The following COMMD1 variants were observed in gnomAD, a reference collection of about 807,000 sequenced individuals.
COMMD1 encodes the protein copper metabolism domain containing 1, also known as COMM domain-containing protein 1.
In COMMD1, 10 loss-of-function variants were observed where a neutral mutation model predicts 17.2. That is an observed-to-expected ratio of 0.58 (90% CI 0.36 to 0.99). COMMD1 has a LOEUF of 0.99. Among genes scored for constraint, COMMD1 ranks in the 50% least tolerant of loss-of-function variants. COMMD1 has a pLI of 0.01. For synonymous variants in COMMD1, 97 were observed against 91.6 expected (o/e 1.06, Z -0.34); for missense variants, 270 against 231.8 (o/e 1.17, Z -1.07).
chr2:62,083,188 A>G (rs1256265936), intron 2 of COMMD1, among the ~76,000 whole-genome samples: 2 of 152,018 alleles, frequency 1.3e-5, no homozygotes, highest in Non-Finnish European at 2.9e-5. Context: ...GCTTGAGCCT[A>G]GGAGGTTGAG....
intron 2 of COMMD1, among the ~76,000 whole-genome samples, chr2:62,034,785 A>G (rs890153242): frequency 2.0e-5 from 3 of 152,116 alleles, no homozygotes; most frequent in Non-Finnish European, 2.9e-5. Context: ...ATTTCTAAGG[A>G]GAAACAGTTT....
At chr2:61,978,086 A>G (rs560709888) in intron 1 of COMMD1, among the ~76,000 whole-genome samples, 1 of 152,018 alleles carries the variant, frequency 6.6e-6, no homozygotes, top group East Asian at 1.9e-4. Context: ...ACTTGAGGCC[A>G]GGAGTTTGAG....
chr2:61,953,638 A>G (rs776902677), intron 1 of COMMD1, among the ~76,000 whole-genome samples: 20 of 151,704 alleles, frequency 1.3e-4, no homozygotes, highest in Non-Finnish European at 2.4e-4. Context: ...CCAAAGTGCT[A>G]GGATTACAGG....
chr2:62,098,597 G>A (rs1398665487), intron 2 of COMMD1, among the ~76,000 whole-genome samples: 1 of 152,146 alleles, frequency 6.6e-6, no homozygotes, highest in Non-Finnish European at 1.5e-5. Flanking sequence ...TTCCCCAAGG[G>A]TATTCCTGAA....
chr2:61,912,551 A>G lies in COMMD1; in HGVS notation c.180+6693A>G, dbSNP rs1333637084. Among the ~76,000 whole-genome samples the G allele has an allele frequency of 2.6e-5, 4 of 152,312 alleles. No homozygotes were observed. The Middle Eastern group carries it at 0.01, about 389-fold the overall frequency. On this transcript the variant is annotated intron_variant, in intron 1 of 2. Coordinates refer to ENST00000311832, the MANE Select transcript of COMMD1 (RefSeq NM_152516.4). ...AGAGATGGAGACCATCCTAGCCAAC[A>G]TGGTGAAATTCCATCTCTACTAAAA...
chr2:62,047,472 C>CTT (rs113295193), intron 2 of COMMD1, among the ~76,000 whole-genome samples: 1,639 of 147,236 alleles, frequency 0.011, 40 homozygotes, highest in African/African-American at 0.037. Context: ...TTCTTCCTTT[C>CTT]TTTTTTTTTT....
chr2:62,021,542 A>G (rs1346196238), intron 2 of COMMD1, among the ~76,000 whole-genome samples: 1 of 152,220 alleles, frequency 6.6e-6, no homozygotes, highest in Non-Finnish European at 1.5e-5. Flanking sequence ...ACAGGATCAG[A>G]GAAGTATTGA....
intron 2 of COMMD1, among the ~76,000 whole-genome samples, chr2:62,041,954 G>A (rs1403296800): frequency 6.6e-6 from 1 of 152,224 alleles, no homozygotes; most frequent in Non-Finnish European, 1.5e-5. Flanking sequence ...CCACACTGTG[G>A]AAGAGGACCT....
At chr2:62,088,543 A>G (rs1671737590) in intron 2 of COMMD1, among the ~76,000 whole-genome samples, 1 of 152,176 alleles carries the variant, frequency 6.6e-6, no homozygotes, top group Non-Finnish European at 1.5e-5. Context: ...TCTACAGTCC[A>G]TTTGATTACC....
chr2:61,957,629 C>G (rs1242645597), intron 1 of COMMD1, among the ~76,000 whole-genome samples: 1 of 152,056 alleles, frequency 6.6e-6, no homozygotes, highest in African/African-American at 2.4e-5. Context: ...AAATCTTTGT[C>G]TTAAAGACAA....
At chr2:61,966,831 A>C (rs1422105899) in intron 1 of COMMD1, among the ~76,000 whole-genome samples, 1 of 152,024 alleles carries the variant, frequency 6.6e-6, no homozygotes, top group African/African-American at 2.4e-5. Flanking sequence ...AAGTCTGTGT[A>C]ATTAGTCCTG....
chr2:61,973,223 A>G (rs1671699760), intron 1 of COMMD1, among the ~76,000 whole-genome samples: 1 of 152,170 alleles, frequency 6.6e-6, no homozygotes, highest in Non-Finnish European at 1.5e-5. Flanking sequence ...CCATTTTTGT[A>G]CAGGAACTCC....
rs552409521 is a variant in COMMD1 at position 62,102,292 on chromosome 2, G to A, written c.463-33539G>A. ...TATAAACACCCTCTGTACTATTTTT[G>A]TACTTTTGATATTCCCTCTGCTTCA... On this transcript the variant is annotated intron_variant, in intron 2 of 2. Coordinates refer to ENST00000311832, the MANE Select transcript of COMMD1 (RefSeq NM_152516.4). 2.6e-5 allele frequency among the ~76,000 whole-genome samples: 4 copies of A among 152,130 alleles called. No homozygotes were observed. The East Asian group carries it at 7.7e-4, about 29-fold the overall frequency.
At chr2:61,944,143 G>A (rs2103645980) in intron 1 of COMMD1, among the ~76,000 whole-genome samples, 1 of 152,256 alleles carries the variant, frequency 6.6e-6, no homozygotes, top group South Asian at 2.1e-4. Context: ...GAAAGGCAAT[G>A]AGAAGACTCT....
chr2:62,108,823 G>A (rs1011532377), intron 2 of COMMD1, among the ~76,000 whole-genome samples: 6 of 152,172 alleles, frequency 3.9e-5, no homozygotes, highest in African/African-American at 1.4e-4. Context: ...TAAGCATTGT[G>A]CAAATAAAAT....
intron 1 of COMMD1, 24 bp downstream of exon 1, chr2:61,905,882 C>A: frequency 6.2e-7 from 1 of 1,612,864 alleles, no homozygotes; most frequent in Non-Finnish European, 8.5e-7. Flanking sequence ...CTGTAGTCTC[C>A]GGCTTGGAGC....
intron 1 of COMMD1, among the ~76,000 whole-genome samples, chr2:61,896,754 T>A (rs1669555546): frequency 6.6e-6 from 1 of 152,118 alleles, no homozygotes; most frequent in Admixed American, 6.6e-5. Flanking sequence ...CTGACTTGAC[T>A]TTTTCTTCCT....
chr2:62,043,485 T>A (rs1670295878), intron 2 of COMMD1, among the ~76,000 whole-genome samples: 2 of 152,140 alleles, frequency 1.3e-5, no homozygotes, highest in Non-Finnish European at 2.9e-5. Flanking sequence ...TCTTATTCCT[T>A]TTTGCATCAC....
chr2:62,045,552 CCTT>C (rs1330637946), intron 2 of COMMD1, among the ~76,000 whole-genome samples: 60 of 150,956 alleles, frequency 4.0e-4, no homozygotes, highest in Non-Finnish European at 6.8e-4. Flanking sequence ...TGCTTACTTT[CCTT>C]CTTCTTTTTT....
Sources: allele counts gnomAD v4.1 joint callset (sites outside exome capture counted in the v4.1 genomes callset), GRCh38; gene constraint gnomAD v4.1.1; transcripts MANE v1.5; gene names NCBI Gene and HGNC (gene_info 2026-07-23, HGNC 2026-07-21).